PARD3: variants seen among roughly 807,000 people sequenced by gnomAD.
The protein encoded by PARD3 is par-3 family cell polarity regulator, also known as partitioning defective 3 homolog.
PARD3 carries 75 observed loss-of-function variants against 155.4 expected under a neutral mutation model. That is an observed-to-expected ratio of 0.48 (90% confidence interval 0.40 to 0.58). The LOEUF is 0.58. PARD3 is among the 20% of genes least tolerant of loss of function. The pLI is 0.00. For missense variants in PARD3, 1,642 were observed against 1,721.7 expected, an observed-to-expected ratio of 0.95 and a Z score of 0.82; for synonymous variants, 576 against 610.5, an observed-to-expected ratio of 0.94 and a Z score of 0.83.
chr10:34,221,547 C>G (rs569161212), intron 22 of PARD3, among the ~76,000 whole-genome samples: 1 of 152,260 alleles, frequency 6.6e-6, no homozygotes, highest in East Asian at 1.9e-4. Context: ...AAAATCTACT[C>G]TCTTAGCAAT....
At chr10:34,598,757 T>TA (rs745710623) in intron 2 of PARD3, among the ~76,000 whole-genome samples, 6 of 152,088 alleles carry the variant, frequency 3.9e-5, no homozygotes, top group Admixed American at 1.3e-4. Flanking sequence ...AGTAAAGAGT[T>TA]ATAAAGAGCC....
At chr10:34,794,231 C>T (rs775671336) in intron 1 of PARD3, among the ~76,000 whole-genome samples, 1 of 152,124 alleles carries the variant, frequency 6.6e-6, no homozygotes, top group Non-Finnish European at 1.5e-5. Flanking sequence ...CCACCTATAC[C>T]CTTTCCACTG....
intron 2 of PARD3, among the ~76,000 whole-genome samples, chr10:34,543,552 T>G (rs369139499): frequency 7.9e-5 from 12 of 152,248 alleles, no homozygotes; most frequent in African/African-American, 2.6e-4. Context: ...AACCAGAGAG[T>G]GTGAAGAATG....
intron 22 of PARD3, among the ~76,000 whole-genome samples, chr10:34,223,749 C>A (rs1006475592): frequency 3.3e-5 from 5 of 152,194 alleles, no homozygotes; most frequent in Non-Finnish European, 7.3e-5. Context: ...TTCTTATGCA[C>A]AAGGTAGGTC....
intron 16 of PARD3, among the ~76,000 whole-genome samples, chr10:34,337,763 T>G (rs1204862226): frequency 6.6e-6 from 1 of 152,194 alleles, no homozygotes; most frequent in African/African-American, 2.4e-5. Flanking sequence ...AACAACTGAA[T>G]TTTTCAGGAA....
At chr10:34,250,939 T>G (rs1695601400) in intron 22 of PARD3, among the ~76,000 whole-genome samples, 2 of 152,236 alleles carry the variant, frequency 1.3e-5, no homozygotes, top group Admixed American at 1.3e-4. Flanking sequence ...CATCACAAGC[T>G]CTGAGAGAAT....
intron 1 of PARD3, among the ~76,000 whole-genome samples, chr10:34,733,112 A>G (rs2094848384): frequency 1.3e-5 from 2 of 152,206 alleles, no homozygotes; most frequent in South Asian, 4.1e-4. Flanking sequence ...CACCTCTATC[A>G]ATGGAAAACA....
chr10:34,731,680 A>T (rs1260881491), intron 1 of PARD3, among the ~76,000 whole-genome samples: 1 of 152,228 alleles, frequency 6.6e-6, no homozygotes, highest in African/African-American at 2.4e-5. Flanking sequence ...TTTCACAATC[A>T]AATAGTAGTT....
chr10:34,448,167 A>G (rs978437119), intron 5 of PARD3, among the ~76,000 whole-genome samples: 1 of 131,484 alleles, frequency 7.6e-6, no homozygotes, highest in Non-Finnish European at 1.6e-5. Flanking sequence ...GTGTGTGTAC[A>G]CATAAATGTA....
chr10:34,407,457 T>A (rs1257257406), intron 5 of PARD3, among the ~76,000 whole-genome samples: 1 of 152,198 alleles, frequency 6.6e-6, no homozygotes, highest in Non-Finnish European at 1.5e-5. Context: ...AGAGCTACCA[T>A]GGCTGAAAAG....
At chr10:34,119,852 CTG>C in intron 23 of PARD3, 112 bp from the exon 24 acceptor site, 1 of 1,023,930 alleles carries the variant, frequency 9.8e-7, no homozygotes, top group Non-Finnish European at 1.3e-6. Flanking sequence ...TTTGAAAATT[CTG>C]TGATTTGTTT....
intron 22 of PARD3, among the ~76,000 whole-genome samples, chr10:34,197,918 C>A (rs1951024829): frequency 6.6e-6 from 1 of 152,188 alleles, no homozygotes; most frequent in African/African-American, 2.4e-5. Flanking sequence ...TTAGTAGAGA[C>A]AGGGTTTCAC....
intron 2 of PARD3, among the ~76,000 whole-genome samples, chr10:34,683,874 C>G (rs762700235): frequency 1.3e-5 from 2 of 152,196 alleles, no homozygotes; most frequent in Admixed American, 6.5e-5. Flanking sequence ...GAACTGTGGC[C>G]AAACCAGTAC....
At chr10:34,626,647 G>C (rs1238632798) in intron 2 of PARD3, among the ~76,000 whole-genome samples, 3 of 152,184 alleles carry the variant, frequency 2.0e-5, no homozygotes, top group Non-Finnish European at 4.4e-5. Context: ...TGACTGCTTT[G>C]AGAGCCCTAA....
At chr10:34,651,864 G>A (rs548066434) in intron 2 of PARD3, among the ~76,000 whole-genome samples, 6 of 152,254 alleles carry the variant, frequency 3.9e-5, no homozygotes, top group Admixed American at 3.3e-4. Flanking sequence ...TATTCCAGTT[G>A]TACCATACAA....
At chr10:34,459,753 A>G (rs79149341) in intron 4 of PARD3, among the ~76,000 whole-genome samples, 3,921 of 152,262 alleles carry the variant, frequency 0.026, 168 homozygotes, top group African/African-American at 0.09. Context: ...ATATATATTT[A>G]AATAAATTAC....
In PARD3 at chr10:34,337,268, T is replaced by A; in HGVS notation, c.2560+7A>T. 6.4e-7 allele frequency: 1 copy of A among 1,554,348 alleles called. No homozygotes were observed. The highest frequency in any genetic ancestry group is 8.7e-7 in the Non-Finnish European group (1 of 1,147,792). ...TTTAGATAAAGATTCATGGAGATTG[T>A]ACTCACTACCTAAATCCATGCTTTT... On this transcript the variant is annotated splice_region_variant and intron_variant, in intron 17 of 24. Coordinates refer to ENST00000374788, the MANE Select transcript of PARD3 (RefSeq NM_001184785.2).
intron 2 of PARD3, among the ~76,000 whole-genome samples, chr10:34,643,279 G>C (rs1327016924): frequency 6.6e-6 from 1 of 152,220 alleles, no homozygotes; most frequent in African/African-American, 2.4e-5. Flanking sequence ...TACAACTTCA[G>C]CTCCTAACTG....
At chr10:34,813,511 A>C (rs952624066) in intron 1 of PARD3, among the ~76,000 whole-genome samples, 1 of 152,206 alleles carries the variant, frequency 6.6e-6, no homozygotes, top group African/African-American at 2.4e-5. Flanking sequence ...TTTGATTTTC[A>C]ATAAAAGAGT....
Sources: gnomAD v4.1 joint callset for allele counts (sites outside exome capture counted in the v4.1 genomes callset) on GRCh38, gnomAD v4.1.1 for gene constraint, MANE v1.5 for transcripts, NCBI Gene and HGNC (gene_info 2026-07-23, HGNC 2026-07-21) for gene names.